The following RANGAP1 variants were observed in gnomAD, a reference collection of about 807,000 sequenced individuals.
The protein encoded by RANGAP1 is ran GTPase-activating protein 1.
RANGAP1 carries 38 observed loss-of-function variants against 63.5 expected under a neutral mutation model. The observed-to-expected ratio is 0.60, with a 90% confidence interval of 0.46 to 0.78. The LOEUF is 0.78. RANGAP1 is among the 30% of genes least tolerant of loss of function. The pLI is 0.00. For synonymous variants in RANGAP1, 329 were observed against 310.5 expected (o/e 1.06, Z -0.63); for missense variants, 630 against 740.3 (o/e 0.85, Z 1.73).
chr22:41,280,865 C>T, intron 2 of RANGAP1, 68 bp downstream of exon 2: 2 of 1,603,776 alleles, frequency 1.2e-6, no homozygotes, highest in Non-Finnish European at 1.7e-6. Context: ...AGCCTGACAA[C>T]CAGTAAGAGT....
rs561911039 is a variant in RANGAP1 at position 41,286,152 on chromosome 22, C to A, written c.-205G>T. On this transcript the variant is annotated 5_prime_UTR_variant, in exon 1 of 16. Coordinates refer to ENST00000356244, the MANE Select transcript of RANGAP1 (RefSeq NM_002883.4). ...TAGCTCTCTCGAGCTCCCGGCCTCACGCGCTTCCAGCACCACCTGCTCTCC... is the reference window on the plus strand; with the variant it reads ...TAGCTCTCTCGAGCTCCCGGCCTCAAGCGCTTCCAGCACCACCTGCTCTCC... 2.6e-4 allele frequency: 40 copies of A among 152,468 alleles called. No individual in the cohort carries two copies. In the East Asian group the frequency reaches 7.7e-3, roughly 29 times the overall value. 9.4% of individuals were successfully genotyped at this position (152,468 alleles called of 1,614,324 possible). A position where few individuals can be genotyped will look rare whatever the true frequency, so the allele number is the denominator to read the frequency against.
intron 4 of RANGAP1, among the ~76,000 whole-genome samples, chr22:41,265,991 G>T (rs112889756): frequency 3.0e-4 from 45 of 151,740 alleles, no homozygotes; most frequent in African/African-American, 1.1e-3. Context: ...TCACGAGGTC[G>T]GGAGATCGAG....
In RANGAP1 at chr22:41,257,809, C is replaced by T. The variant is rs750078387; in HGVS notation, c.774+139G>A. 2.8e-6 allele frequency: 3 copies of T among 1,071,844 alleles called. No homozygotes were observed. Among genetic ancestry groups the T allele is most frequent in the Non-Finnish European group, 2.6e-6 (2 of 773,894 alleles). The allele number at this position is 1,071,844 out of a possible 1,614,324, so 66.4% of individuals were successfully genotyped here. The stretch of plus-strand genomic sequence containing the variant: ...CCCTGTTCAGGACATGTTCAAAGAG[C>T]TGGAGCCATGGGGCACACACCCAGG... On this transcript the variant is annotated intron_variant, in intron 7 of 15. Transcript: ENST00000356244. This position sits in a 1 kb window ranked among gnomAD's most constrained non-coding sequence, Gnocchi z 4.0.
At chr22:41,289,136 G>T (rs181535792), upstream of RANGAP1, among the ~76,000 whole-genome samples, 60 of 151,608 alleles carry the variant, frequency 4.0e-4, no homozygotes, top group Middle Eastern at 6.8e-3. Context: ...GGCCAGGATG[G>T]TCTCAAACTC....
the RANGAP1 span, among the ~76,000 whole-genome samples, chr22:41,299,918 AT>A: frequency 6.6e-6 from 1 of 151,570 alleles, no homozygotes; most frequent in East Asian, 2.0e-4. Flanking sequence ...CGCCCAGCTT[AT>A]TTTTTGTATT....
intron 7 of RANGAP1, 41 bp from the exon 8 acceptor site, chr22:41,256,865 C>G (rs758307077): frequency 3.9e-6 from 6 of 1,545,226 alleles, no homozygotes; most frequent in Non-Finnish European, 5.3e-6. Context: ...GGGTGCAGAC[C>G]ACACCCCAGC....
At position 41,256,053 on chromosome 22, in the gene RANGAP1, GCC is replaced by G; in HGVS notation, c.1039_1040del (p.Gly347LeufsTer12). 1.2e-6 allele frequency: 2 copies of G among 1,613,968 alleles called. No homozygotes were observed. The highest frequency in any genetic ancestry group is 2.2e-5 in the South Asian group (2 of 91,088). ...ACGCCAGCACCTTGGCCATGTTGAA[GCC>G]CTCCAGCACCTCCTGAAGCTGTTCA... ...GCEQLQEVLE[G>X]FNMAKVLASL... is the part of the protein sequence containing the mutation. On this transcript the variant is annotated frameshift_variant, in exon 10 of 16. Transcript: ENST00000356244. LOFTEE classifies it high-confidence loss of function.
intron 2 of RANGAP1, among the ~76,000 whole-genome samples, chr22:41,275,120 A>C (rs1166658555): frequency 6.6e-6 from 1 of 152,050 alleles, no homozygotes; most frequent in African/African-American, 2.4e-5. Context: ...TTGTTAAGTG[A>C]TTCATGTGTG....
chr22:41,301,103 C>T, the RANGAP1 span, among the ~76,000 whole-genome samples: 1 of 152,080 alleles, frequency 6.6e-6, no homozygotes, highest in Non-Finnish European at 1.5e-5. Context: ...TTTTAACATC[C>T]TATACATAAA....
At chr22:41,258,954 C>T (rs554101433) in intron 6 of RANGAP1, among the ~76,000 whole-genome samples, 1 of 152,280 alleles carries the variant, frequency 6.6e-6, no homozygotes, top group African/African-American at 2.4e-5. Context: ...CACACCCAGC[C>T]ATTCAGCATT....
intron 3 of RANGAP1, among the ~76,000 whole-genome samples, chr22:41,272,993 T>C (rs987074269): frequency 3.9e-5 from 6 of 152,100 alleles, no homozygotes; most frequent in African/African-American, 1.4e-4. Context: ...TTGTACTTTT[T>C]GTAGAGACGG....
chr22:41,283,517 A>AAAC (rs1198758801), intron 1 of RANGAP1, among the ~76,000 whole-genome samples: 2 of 151,944 alleles, frequency 1.3e-5, no homozygotes, highest in African/African-American at 4.8e-5. Context: ...CAAAACAAAC[A>AAAC]AATAACAACA....
At chr22:41,288,713 G>T, upstream of RANGAP1, among the ~76,000 whole-genome samples, 1 of 152,058 alleles carries the variant, frequency 6.6e-6, no homozygotes, top group East Asian at 1.9e-4. Context: ...GGAACTGGAA[G>T]GGAATTCTTA....
Position 41,254,307 on chromosome 22 carries a change from C to A in RANGAP1, c.1260+1G>T. ...GATTGTGGCAGATGATAGAAACTCA[C>A]CCCAGTGTTAGGGTCCAGAATCTTC... On this transcript the variant is annotated splice_donor_variant, in intron 11 of 15. Transcript: ENST00000356244. LOFTEE classifies it high-confidence loss of function. 3.1e-6 allele frequency: 5 copies of A among 1,614,096 alleles called. No individual in the cohort carries two copies. The highest frequency in any genetic ancestry group is 4.2e-6 in the Non-Finnish European group (5 of 1,180,010).
rs200623683 is a variant in RANGAP1 at position 41,261,610 on chromosome 22, T to C, written c.481-30A>G. ...GGGGAAAGGCAAGGGGCCCTGGTCA[T>C]GGGCAGGAGCCCCTTCTCCCAGCGG... On this transcript the variant is annotated intron_variant, in intron 5 of 15. Coordinates refer to ENST00000356244, the MANE Select transcript of RANGAP1 (RefSeq NM_002883.4). 321 of 1,613,922 alleles carry C rather than the reference T, an allele frequency of 2.0e-4. 1 individual carries two copies. Among genetic ancestry groups the C allele is most frequent in the Non-Finnish European group, 2.9e-5 (34 of 1,179,946 alleles).
chr22:41,265,063 G>T (rs1448382635), intron 4 of RANGAP1, among the ~76,000 whole-genome samples: 1 of 152,232 alleles, frequency 6.6e-6, no homozygotes, highest in Non-Finnish European at 1.5e-5. Flanking sequence ...GGCCCGGGAA[G>T]GCTCCTTGTA....
At chr22:41,268,821 G>A (rs540026748) in intron 3 of RANGAP1, among the ~76,000 whole-genome samples, 4 of 152,162 alleles carry the variant, frequency 2.6e-5, no homozygotes, top group African/African-American at 9.6e-5. Context: ...TTGGGAGGCC[G>A]AGGCGGGCAG....
chr22:41,285,737 A>AGCAGCT (rs2035721001), intron 1 of RANGAP1: 1 of 959,094 alleles, frequency 1.0e-6, no homozygotes, highest in Non-Finnish European at 1.2e-6. Flanking sequence ...CGCCACTGCT[A>AGCAGCT]GCAGCTGCAG....
chr22:41,297,933 C>T, the RANGAP1 span, among the ~76,000 whole-genome samples: 1 of 151,890 alleles, frequency 6.6e-6, no homozygotes, highest in East Asian at 1.9e-4. Context: ...GATCTCGGCT[C>T]ACTACAACGT....
Sources: allele counts gnomAD v4.1 joint callset (sites outside exome capture counted in the v4.1 genomes callset), GRCh38; gene constraint gnomAD v4.1.1; non-coding constraint Gnocchi (gnomAD v3.1); transcripts MANE v1.5; gene names NCBI Gene and HGNC (gene_info 2026-07-23, HGNC 2026-07-21).